Variants in CCR6 observed in about 807,000 individuals in gnomAD.
CCR6 encodes C-C chemokine receptor type 6.
CCR6 carries 2 observed loss-of-function variants against 3.0 expected under a neutral mutation model. The ratio of observed to expected loss-of-function variants is 0.66; its 90% CI spans 0.27 to 2.07. The LOEUF is 2.07. Among genes scored for constraint, CCR6 ranks in the 30% most tolerant of loss-of-function variants. The probability of loss-of-function intolerance (pLI) is 0.14; values close to 1 mark genes in which losing one functional copy is unlikely to be tolerated. For missense variants in CCR6, 322 were observed against 462.8 expected (o/e 0.70, Z 2.79); for synonymous variants, 193 against 184.3 (o/e 1.05, Z -0.38).
intron 1 of CCR6, among the ~76,000 whole-genome samples, chr6:167,113,122 A>G (rs1419753502): frequency 6.6e-6 from 1 of 151,998 alleles, no homozygotes; most frequent in Non-Finnish European, 1.5e-5. Context: ...ATCTAATAAT[A>G]TCAACCTCTA....
upstream of CCR6, among the ~76,000 whole-genome samples, chr6:167,121,176 GC>G (rs1781580875): frequency 6.6e-6 from 1 of 152,210 alleles, no homozygotes; most frequent in African/African-American, 2.4e-5. Flanking sequence ...AACAGAAGGG[GC>G]CCCCACAGTG....
upstream of CCR6, among the ~76,000 whole-genome samples, chr6:167,118,531 C>A (rs146743908): frequency 6.6e-6 from 1 of 152,166 alleles, no homozygotes; most frequent in African/African-American, 2.4e-5. Flanking sequence ...AAAAAGTAAG[C>A]TTTCAGTTTG....
At chr6:167,133,934 A>G (rs13193390) in intron 1 of CCR6, among the ~76,000 whole-genome samples, 1,126 of 9,276 alleles carry the variant, frequency 0.12, 53 homozygotes, top group Non-Finnish European at 0.36. Flanking sequence ...ATATGTGTGT[A>G]TATATATATA....
At chr6:167,129,101 C>T (rs750398068) in intron 1 of CCR6, among the ~76,000 whole-genome samples, 11 of 152,258 alleles carry the variant, frequency 7.2e-5, no homozygotes, top group East Asian at 1.9e-4. Flanking sequence ...AGCTGAAGGC[C>T]GAAATCAGTG....
chr6:167,125,421 C>T (rs970660165), intron 1 of CCR6, among the ~76,000 whole-genome samples: 3 of 152,108 alleles, frequency 2.0e-5, no homozygotes, highest in Non-Finnish European at 2.9e-5. Context: ...CTTGGGGAGC[C>T]CCCCACCCAC....
chr6:167,136,400 G>T lies in CCR6; in HGVS notation c.170G>T (p.Cys57Phe). Residue 57 changes from cysteine to phenylalanine, a missense_variant, in exon 3 of 3, where the codon TGT (cysteine) becomes TTT (phenylalanine). By Grantham distance (205) the Cys-to-Phe change is radical (BLOSUM62 -2). Coordinates refer to ENST00000341935, the MANE Select transcript of CCR6 (RefSeq NM_031409.4). The surrounding 1 kb of genome is among the most constrained non-coding windows in gnomAD (Gnocchi z 4.6). ...GTACCGATTGCCTACTCCTTGATCT[G>T]TGTCTTTGGCCTCCTGGGGAATATT... ...LFVPIAYSLI[C>F]VFGLLGNILV... is the part of the protein sequence containing the mutation. The T allele has an allele frequency of 1.2e-6, 2 of 1,614,028 alleles. No homozygotes were observed. Among genetic ancestry groups the T allele is most frequent in the Non-Finnish European group, 1.7e-6 (2 of 1,179,994 alleles).
chr6:167,114,383 A>G (rs1781462620), intron 1 of CCR6, among the ~76,000 whole-genome samples: 3 of 152,166 alleles, frequency 2.0e-5, no homozygotes, highest in Admixed American at 6.5e-5. Context: ...GTAGACCTCG[A>G]GAGGAGTTCA....
intron 1 of CCR6, among the ~76,000 whole-genome samples, chr6:167,126,835 G>A (rs969652117): frequency 6.6e-6 from 1 of 152,190 alleles, no homozygotes; most frequent in Admixed American, 6.5e-5. Context: ...GGATCTGATG[G>A]TTTTACAGGG....
At chr6:167,132,721 A>G (rs1410963915) in intron 1 of CCR6, among the ~76,000 whole-genome samples, 3 of 152,162 alleles carry the variant, frequency 2.0e-5, no homozygotes, top group African/African-American at 7.2e-5. Flanking sequence ...TTGTATTTTT[A>G]GTAAAGATGG....
At chr6:167,135,889 G>A (rs1781842449) in intron 1 of CCR6, 149 bp from the exon 2 acceptor site, 2 of 500,454 alleles carry the variant, frequency 4.0e-6, no homozygotes, top group Non-Finnish European at 7.0e-6. Flanking sequence ...GAAAGAGGTT[G>A]CTGATGCCTA....
intron 1 of CCR6, among the ~76,000 whole-genome samples, chr6:167,117,415 C>CTTTTTTTTTTTTTTTTTTTTTTTT (rs35058463): frequency 9.1e-6 from 1 of 109,894 alleles, no homozygotes; most frequent in Non-Finnish European, 1.8e-5. Flanking sequence ...TTTTTTTTTT[C>CTTTTTTTTTTTTTTTTTTTTTTTT]TTTTTTTTTT....
chr6:167,112,590 G>C (rs973701416), intron 1 of CCR6, among the ~76,000 whole-genome samples: 1 of 152,136 alleles, frequency 6.6e-6, no homozygotes, highest in African/African-American at 2.4e-5. Flanking sequence ...CACCCTGGGG[G>C]CTGTGGCTGC....
At chr6:167,131,884 T>A (rs765712057) in intron 1 of CCR6, among the ~76,000 whole-genome samples, 2 of 152,186 alleles carry the variant, frequency 1.3e-5, no homozygotes, top group Non-Finnish European at 2.9e-5. Flanking sequence ...AAGGGTACAA[T>A]TCAACAGGTC....
chr6:167,136,346 A>G lies in CCR6; in HGVS notation c.116A>G (p.Gln39Arg). The G allele has an allele frequency of 1.2e-6, 2 of 1,614,198 alleles. No individual in the cohort carries two copies. The highest frequency in any genetic ancestry group is 1.7e-6 in the Non-Finnish European group (2 of 1,180,018). Residue 39 changes from glutamine (Q) to arginine (R), a missense_variant, in exon 3 of 3, where the codon CAG becomes CGG. By Grantham distance (43) the Gln-to-Arg change is conservative. Transcript: ENST00000341935. The surrounding 1 kb of genome is among the most constrained non-coding windows in gnomAD (Gnocchi z 4.6). Reference protein sequence around the residue: ...VDSEMLLCSLQEVRQFSRLFV... With the variant: ...VDSEMLLCSLREVRQFSRLFV... ...TCTGAGATGTTACTGTGCTCCTTGC[A>G]GGAGGTCAGGCAGTTCTCCAGGCTA... is the stretch of plus-strand genomic sequence containing the variant.
Position 167,137,108 on chromosome 6 carries a change from T to A in CCR6, c.878T>A (p.Leu293Gln). 6.2e-7 allele frequency: 1 copy of A among 1,614,192 alleles called. No individual in the cohort carries two copies. The highest frequency in any genetic ancestry group is 8.5e-7 in the Non-Finnish European group (1 of 1,180,044). The change falls in exon 3 of 3, where the codon CTA becomes CAA. Residue 293 changes from leucine (L) to glutamine (Q), a missense_variant. Physicochemically the swap from Leu to Gln is moderately radical, Grantham distance 113. Transcript: ENST00000341935. This position sits in a 1 kb window ranked among gnomAD's most constrained non-coding sequence, Gnocchi z 4.6. ...KMNRSCQSEK[L>Q]IGYTKTVTEV... ...AACCGATCCTGCCAGAGCGAAAAGC[T>A]AATTGGCTATACGAAAACTGTCACA...
At chr6:167,135,987 C>T in intron 1 of CCR6, 51 bp from the exon 2 acceptor site, 1 of 804,532 alleles carries the variant, frequency 1.2e-6, no homozygotes, top group South Asian at 1.7e-5. Flanking sequence ...GTCTGGCTCT[C>T]CAGGAATACC....
At chr6:167,124,304 A>G (rs1157722934) in intron 1 of CCR6, among the ~76,000 whole-genome samples, 1 of 151,748 alleles carries the variant, frequency 6.6e-6, no homozygotes, top group Non-Finnish European at 1.5e-5. Flanking sequence ...CTTAATAAAC[A>G]AATCACCGGG....
chr6:167,126,345 C>T (rs1223908498), intron 1 of CCR6: 1 of 152,218 alleles, frequency 6.6e-6, no homozygotes, highest in Non-Finnish European at 1.5e-5. Flanking sequence ...TAACGTATGT[C>T]CACAAAGAGA....
chr6:167,113,014 G>C (rs547995803), intron 1 of CCR6, among the ~76,000 whole-genome samples: 13 of 151,798 alleles, frequency 8.6e-5, no homozygotes, highest in African/African-American at 3.1e-4. Context: ...GATTCCATTT[G>C]TATAACAATC....
Sources: gnomAD v4.1 joint callset for allele counts (sites outside exome capture counted in the v4.1 genomes callset) on GRCh38, gnomAD v4.1.1 for gene constraint, Gnocchi (gnomAD v3.1) non-coding constraint, MANE v1.5 for transcripts, NCBI Gene and HGNC (gene_info 2026-07-23, HGNC 2026-07-21) for gene names.